UBE2G1: variants seen among roughly 807,000 people sequenced by gnomAD.
The protein encoded by UBE2G1 is ubiquitin-conjugating enzyme E2 G1.
A neutral mutation model predicts 22.7 loss-of-function variants in UBE2G1; 5 were observed. The ratio of observed to expected loss-of-function variants is 0.22; its 90% CI spans 0.12 to 0.46. UBE2G1 has a LOEUF of 0.46. Among genes scored for constraint, UBE2G1 ranks in the 20% least tolerant of loss-of-function variants. The pLI, the probability that UBE2G1 is intolerant of heterozygous loss-of-function variation, is 0.99. For missense variants in UBE2G1, 88 were observed against 203.9 expected, an observed-to-expected ratio of 0.43 and a Z score of 3.46; for synonymous variants, 74 against 67.5, an observed-to-expected ratio of 1.10 and a Z score of -0.47.
At chr17:4,283,459 C>T (rs932639030) in intron 4 of UBE2G1, among the ~76,000 whole-genome samples, 1 of 152,122 alleles carries the variant, frequency 6.6e-6, no homozygotes, top group African/African-American at 2.4e-5. Flanking sequence ...GAGATGGTGC[C>T]ACTGCACTGC....
intron 1 of UBE2G1, among the ~76,000 whole-genome samples, chr17:4,352,652 C>T (rs1380575140): frequency 2.0e-5 from 3 of 152,032 alleles, no homozygotes; most frequent in Non-Finnish European, 4.4e-5. Context: ...CAGAGTTGTT[C>T]ATTAAAGAAA....
chr17:4,273,422 A>G (rs1294786305), intron 5 of UBE2G1, among the ~76,000 whole-genome samples: 1 of 152,126 alleles, frequency 6.6e-6, no homozygotes, highest in African/African-American at 2.4e-5. Context: ...AACATGGCTC[A>G]CTGCAGCCTC....
intron 1 of UBE2G1, among the ~76,000 whole-genome samples, chr17:4,308,180 G>A (rs559571575): frequency 7.7e-4 from 117 of 152,056 alleles, no homozygotes; most frequent in African/African-American, 2.6e-3. Context: ...ATGGAGAAAC[G>A]CCGTCTCTAT....
At chr17:4,300,326 T>C (rs1422823355) in intron 2 of UBE2G1, among the ~76,000 whole-genome samples, 1 of 149,016 alleles carries the variant, frequency 6.7e-6, no homozygotes, top group East Asian at 2.1e-4. Context: ...GCGGATCACT[T>C]GAGGTCAGGA....
At chr17:4,359,863 AAAAAC>A (rs1969947402) in intron 1 of UBE2G1, among the ~76,000 whole-genome samples, 1 of 150,866 alleles carries the variant, frequency 6.6e-6, no homozygotes, top group African/African-American at 2.5e-5. Context: ...AAAAAAAAAA[AAAAAC>A]AAACAAAAAA....
At chr17:4,338,717 C>A (rs1252618499) in intron 1 of UBE2G1, among the ~76,000 whole-genome samples, 1 of 152,200 alleles carries the variant, frequency 6.6e-6, no homozygotes, top group Non-Finnish European at 1.5e-5. Flanking sequence ...AACTCATTTA[C>A]TCTCAAAACA....
intron 5 of UBE2G1, among the ~76,000 whole-genome samples, chr17:4,279,478 A>T (rs1968857832): frequency 6.6e-6 from 1 of 152,112 alleles, no homozygotes; most frequent in Non-Finnish European, 1.5e-5. Context: ...ACAAAAATCA[A>T]TTTCAATGGA....
intron 4 of UBE2G1, among the ~76,000 whole-genome samples, chr17:4,287,263 C>T (rs1455464607): frequency 2.0e-5 from 3 of 151,976 alleles, no homozygotes; most frequent in Non-Finnish European, 4.4e-5. Context: ...TGCCACCACG[C>T]CTGGCTAATT....
rs1185735358 is a variant in UBE2G1, at chr17:4,270,825, T to G, written c.*1729A>C. 6.6e-6 allele frequency: 1 copy of G among 152,182 alleles called. No individual in the cohort carries two copies. The highest frequency in any genetic ancestry group is 2.4e-5 in the African/African-American group (1 of 41,444). The allele number at this position is 152,182 out of a possible 1,614,324, so 9.4% of individuals were successfully genotyped here. A position where few individuals can be genotyped will look rare whatever the true frequency, so the allele number is the denominator to read the frequency against. ...GACTTAGAAAAAAATCACTCTCTAC[T>G]GTGACTACATCCTCAACCATTTTAT... is the stretch of plus-strand genomic sequence containing the variant. On this transcript the variant is annotated 3_prime_UTR_variant, in exon 6 of 6. Transcript: ENST00000396981.
At chr17:4,328,463 C>G (rs1475645956) in intron 1 of UBE2G1, among the ~76,000 whole-genome samples, 2 of 152,270 alleles carry the variant, frequency 1.3e-5, no homozygotes, top group East Asian at 3.9e-4. Context: ...TTTTCGCCAG[C>G]AAGAGATACA....
At chr17:4,274,335 A>C (rs111406440) in intron 5 of UBE2G1, among the ~76,000 whole-genome samples, 2,532 of 151,350 alleles carry the variant, frequency 0.017, 56 homozygotes, top group African/African-American at 0.047. Context: ...GTAGCTGGGA[A>C]TACAGGCGCC....
intron 5 of UBE2G1, among the ~76,000 whole-genome samples, chr17:4,275,605 T>C (rs1968812215): frequency 1.3e-5 from 2 of 152,068 alleles, no homozygotes; most frequent in African/African-American, 4.8e-5. Context: ...TTTAAAAAGA[T>C]CTAAAAAAAT....
chr17:4,333,473 C>G (rs1333357253), intron 1 of UBE2G1, among the ~76,000 whole-genome samples: 2 of 151,954 alleles, frequency 1.3e-5, no homozygotes, highest in Non-Finnish European at 2.9e-5. Flanking sequence ...GTCAGAAATT[C>G]GACACCAGCC....
intron 1 of UBE2G1, among the ~76,000 whole-genome samples, chr17:4,336,879 T>C (rs1030046662): frequency 1.3e-5 from 2 of 152,054 alleles, no homozygotes; most frequent in African/African-American, 4.8e-5. Flanking sequence ...TGGCTGAACA[T>C]GTGAAAGAAT....
chr17:4,280,662 A>G, intron 5 of UBE2G1, among the ~76,000 whole-genome samples: 1 of 131,726 alleles, frequency 7.6e-6, no homozygotes, highest in Non-Finnish European at 1.6e-5. Context: ...TTTGGAACGG[A>G]GTTTTGTTCT....
At chr17:4,294,330 C>A (rs1023956476) in intron 3 of UBE2G1, among the ~76,000 whole-genome samples, 1 of 150,058 alleles carries the variant, frequency 6.7e-6, no homozygotes, top group East Asian at 1.9e-4. Flanking sequence ...GCAAGAGAAT[C>A]GTTTGAACCC....
intron 1 of UBE2G1, among the ~76,000 whole-genome samples, chr17:4,359,532 G>A (rs1380492974): frequency 1.3e-5 from 2 of 152,226 alleles, no homozygotes; most frequent in Admixed American, 1.3e-4. Context: ...TCTTCCAGAA[G>A]TTTCTATGAG....
intron 1 of UBE2G1, among the ~76,000 whole-genome samples, chr17:4,326,510 T>G (rs1236526328): frequency 6.6e-6 from 1 of 152,198 alleles, no homozygotes; most frequent in Non-Finnish European, 1.5e-5. Context: ...GCAACCATTG[T>G]GAAAGGCGGC....
chr17:4,302,234 C>T (rs1386180871), intron 2 of UBE2G1: 3 of 478,216 alleles, frequency 6.3e-6, no homozygotes, highest in Admixed American at 2.3e-5. Flanking sequence ...TTGTATATGT[C>T]GTTATCAGCT....
Sources: allele counts gnomAD v4.1 joint callset (sites outside exome capture counted in the v4.1 genomes callset), GRCh38; gene constraint gnomAD v4.1.1; transcripts MANE v1.5; gene names NCBI Gene and HGNC (gene_info 2026-07-23, HGNC 2026-07-21).